COL24A1: variants seen among roughly 807,000 people sequenced by gnomAD.
The protein encoded by COL24A1 is collagen type XXIV alpha 1 chain.
Under a neutral mutation model 253.9 loss-of-function variants are expected in COL24A1, and 224 were observed. The ratio of observed to expected loss-of-function variants is 0.88; its 90% CI spans 0.79 to 0.99. The LOEUF is 0.99. Among genes scored for constraint, COL24A1 ranks in the 50% least tolerant of loss-of-function variants. COL24A1 has a pLI of 0.00. For missense variants in COL24A1, 2,131 were observed against 2,068.5 expected (o/e 1.03, Z -0.59); for synonymous variants, 685 against 673.7 (o/e 1.02, Z -0.26).
At chr1:85,775,750 A>T in intron 52 of COL24A1, 41 bp from the exon 53 acceptor site, 1 of 1,527,858 alleles carries the variant, frequency 6.5e-7, no homozygotes, top group Non-Finnish European at 9.0e-7. Flanking sequence ...TGTTATTGAT[A>T]GTTACGTATT....
chr1:86,022,301 A>C lies in COL24A1; in HGVS notation c.2203-8T>G. 1 of 1,528,346 alleles carries C rather than the reference A, an allele frequency of 6.5e-7. No individual in the cohort carries two copies. Among genetic ancestry groups the C allele is most frequent in the Non-Finnish European group, 8.7e-7 (1 of 1,149,312 alleles). 94.7% of individuals were successfully genotyped at this position (1,528,346 alleles called of 1,614,324 possible). ...TGGTAAACCAACAGCACCCTAAGAG[A>C]AGAGAATAACAGAAGAGAAAGTTAT... On this transcript the variant is annotated splice_polypyrimidine_tract_variant and splice_region_variant and intron_variant, in intron 17 of 59. Transcript: ENST00000370571.
At chr1:86,152,040 A>G (rs1652846667) in intron 1 of COL24A1, among the ~76,000 whole-genome samples, 1 of 152,220 alleles carries the variant, frequency 6.6e-6, no homozygotes, top group South Asian at 2.1e-4. Flanking sequence ...TTTACTAGCT[A>G]CTAAGATCGA....
In COL24A1 at chr1:86,137,104, G is replaced by A. The variant is rs192785248; in HGVS notation, c.121+9015C>T. On this transcript the variant is annotated intron_variant, in intron 2 of 59. Transcript: ENST00000370571. Reference sequence around the variant, plus strand: ...TGGATATCACCAAATTACAATTAGGGGTTGAATTTAGATATTTCGTACCAA... The same window carrying A: ...TGGATATCACCAAATTACAATTAGGAGTTGAATTTAGATATTTCGTACCAA... 1.5e-3 allele frequency among the ~76,000 whole-genome samples: 226 copies of A among 152,060 alleles called. 1 individual carries two copies. Among genetic ancestry groups the A allele is most frequent in the African/African-American group, 5.3e-3 (219 of 41,490 alleles).
chr1:86,088,918 T>C (rs962345230), intron 7 of COL24A1, among the ~76,000 whole-genome samples: 1 of 152,160 alleles, frequency 6.6e-6, no homozygotes, highest in Non-Finnish European at 1.5e-5. Context: ...AAGGGTCTTC[T>C]TTTATTTTTC....
intron 7 of COL24A1, among the ~76,000 whole-genome samples, chr1:86,070,503 T>A (rs1197023050): frequency 6.6e-6 from 1 of 152,118 alleles, no homozygotes; most frequent in East Asian, 1.9e-4. Flanking sequence ...ACCAAGCAGA[T>A]TTAACCTAAA....
At chr1:86,145,932 T>A (rs1010698476) in intron 2 of COL24A1, among the ~76,000 whole-genome samples, 187 bp downstream of exon 2, 1 of 152,002 alleles carries the variant, frequency 6.6e-6, no homozygotes, top group Non-Finnish European at 1.5e-5. Flanking sequence ...ATATGAGTAA[T>A]TTCTTAAAGG....
intron 47 of COL24A1, among the ~76,000 whole-genome samples, chr1:85,803,323 A>G (rs1056399568): frequency 6.6e-6 from 1 of 151,670 alleles, no homozygotes; most frequent in Admixed American, 6.6e-5. Flanking sequence ...CCAGCTACTC[A>G]GGAAGCTGAG....
intron 1 of COL24A1, 57 bp downstream of exon 1, chr1:86,156,284 G>A: frequency 3.3e-6 from 5 of 1,523,192 alleles, no homozygotes; most frequent in African/African-American, 1.4e-5. Context: ...GCAGAACCAG[G>A]GGGTGGAGAG....
intron 35 of COL24A1, among the ~76,000 whole-genome samples, chr1:85,872,854 A>C (rs1680690671): frequency 6.6e-6 from 1 of 152,220 alleles, no homozygotes; most frequent in Non-Finnish European, 1.5e-5. Flanking sequence ...TAATTAAACT[A>C]AAGAGCTTCT....
At chr1:85,920,151 G>T (rs1487313362) in intron 24 of COL24A1, among the ~76,000 whole-genome samples, 1 of 152,122 alleles carries the variant, frequency 6.6e-6, no homozygotes, top group Non-Finnish European at 1.5e-5. Context: ...TTGGAATAAG[G>T]TAAACGTATA....
At chr1:85,769,765 T>C (rs1229237138) in intron 53 of COL24A1, among the ~76,000 whole-genome samples, 2 of 152,186 alleles carry the variant, frequency 1.3e-5, no homozygotes, top group Non-Finnish European at 2.9e-5. Context: ...GAATGTGCTT[T>C]AATGTTGTCC....
intron 12 of COL24A1, among the ~76,000 whole-genome samples, chr1:86,037,191 G>T (rs1321421081): frequency 2.6e-5 from 4 of 152,130 alleles, no homozygotes; most frequent in Admixed American, 2.0e-4. Context: ...CCAGTGATCA[G>T]TGTGGTGGAC....
At chr1:86,152,667 C>A (rs1256937021) in intron 1 of COL24A1, among the ~76,000 whole-genome samples, 1 of 152,160 alleles carries the variant, frequency 6.6e-6, no homozygotes, top group Non-Finnish European at 1.5e-5. Flanking sequence ...TTCATTTAAT[C>A]AAAGTGTCTA....
rs183661371 is a variant in COL24A1 at position 85,921,492 on chromosome 1, T to C, written c.2563-10059A>G. On this transcript the variant is annotated intron_variant, in intron 24 of 59. Coordinates refer to ENST00000370571, the MANE Select transcript of COL24A1 (RefSeq NM_152890.7). ...AGAGGAAGGATCAGGCAAAAATATT[T>C]GCTGTTCTGCAGCCTCCACTGGTGA... 1.2e-4 allele frequency among the ~76,000 whole-genome samples: 18 copies of C among 152,296 alleles called. No individual in the cohort carries two copies. The East Asian group carries it at 3.1e-3, about 26-fold the overall frequency.
rs1285898201 is a variant in COL24A1, at chr1:85,786,358, G to A, written c.4055C>T (p.Pro1352Leu). 1 of 1,613,300 alleles carries A rather than the reference G, an allele frequency of 6.2e-7. No homozygotes were observed. The change falls in exon 48 of 60, where the codon CCA becomes CTA. Residue 1352 changes from proline (P) to leucine (L), a missense_variant. Pro to Leu is a moderately conservative substitution (Grantham distance 98, BLOSUM62 -3). Transcript: ENST00000370571. ...TGGAACAAAATATTAAAGTACCTTT[G>A]GGCCTTGAATTCCTGGGCTTCCTGG... is the stretch of plus-strand genomic sequence containing the variant. Reference protein sequence around the residue: ...GLPGSPGIQGPKGEQGLPGQP... With the variant: ...GLPGSPGIQGLKGEQGLPGQP...
intron 25 of COL24A1, 82 bp from the exon 26 acceptor site, chr1:85,910,085 G>T: frequency 9.1e-7 from 1 of 1,098,312 alleles, no homozygotes; most frequent in South Asian, 1.4e-5. Context: ...AAGAAAAACT[G>T]TCATCCAGAA....
At chr1:85,774,495 G>A (rs577864048) in intron 53 of COL24A1, among the ~76,000 whole-genome samples, 2 of 152,236 alleles carry the variant, frequency 1.3e-5, no homozygotes, top group Admixed American at 1.3e-4. Context: ...GAATATGTTT[G>A]GTCCTGGACT....
intron 20 of COL24A1, among the ~76,000 whole-genome samples, chr1:85,978,646 C>A (rs997972079): frequency 6.6e-6 from 1 of 151,996 alleles, no homozygotes; most frequent in Non-Finnish European, 1.5e-5. Context: ...ATGTCACAAT[C>A]CTCAATATAT....
intron 23 of COL24A1, 82 bp downstream of exon 23, chr1:85,964,927 C>A: frequency 8.2e-7 from 1 of 1,218,972 alleles, no homozygotes; most frequent in South Asian, 1.4e-5. Context: ...TTGATGTGTT[C>A]ATTTCACATT....
Sources: gnomAD v4.1 joint callset for allele counts (sites outside exome capture counted in the v4.1 genomes callset) on GRCh38, gnomAD v4.1.1 for gene constraint, MANE v1.5 for transcripts, NCBI Gene and HGNC (gene_info 2026-07-23, HGNC 2026-07-21) for gene names.